The following QSOX1 variants were observed in gnomAD, a reference collection of about 807,000 sequenced individuals.
The protein encoded by QSOX1 is quiescin sulfhydryl oxidase 1.
Under a neutral mutation model 76.1 loss-of-function variants are expected in QSOX1, and 40 were observed. The observed-to-expected ratio is 0.53, with a 90% CI of 0.41 to 0.68. QSOX1 has a LOEUF of 0.68. QSOX1 is among the 30% of genes least tolerant of loss of function. The pLI, the probability that QSOX1 is intolerant of heterozygous loss-of-function variation, is 0.00. For missense variants in QSOX1, 931 were observed against 974.3 expected (o/e 0.96, Z 0.59); for synonymous variants, 392 against 413.1 (o/e 0.95, Z 0.62).
rs142134964 is a variant in QSOX1, at chr1:180,197,336, A to G, written c.*299A>G. The G allele has an allele frequency of 7.4e-6, 12 of 1,613,966 alleles. No individual in the cohort carries two copies. In the African/African-American group the frequency reaches 8.0e-5, roughly 11 times the overall value. On this transcript the variant is annotated 3_prime_UTR_variant, in exon 12 of 12. Coordinates refer to ENST00000367602, the MANE Select transcript of QSOX1 (RefSeq NM_002826.5). ...GCACCACATTCCTGTTTTTCAGCTT[A>G]TTTGAAGTCCTGCCTCATTCTCACT... is the stretch of plus-strand genomic sequence containing the variant.
chr1:180,174,687 T>A (rs1662841445), intron 2 of QSOX1, among the ~76,000 whole-genome samples: 2 of 152,302 alleles, frequency 1.3e-5, no homozygotes, highest in South Asian at 4.1e-4. Context: ...TATTGGTTAG[T>A]AATTACATGC....
At chr1:180,189,127 TC>T (rs2149241257) in intron 8 of QSOX1, among the ~76,000 whole-genome samples, 2 of 152,228 alleles carry the variant, frequency 1.3e-5, no homozygotes, top group East Asian at 3.9e-4. Flanking sequence ...AGTTGGCAAG[TC>T]AGCTCTATCC....
intron 1 of QSOX1, 70 bp from the exon 2 acceptor site, chr1:180,166,420 AT>A: frequency 1.6e-6 from 2 of 1,266,960 alleles, no homozygotes; most frequent in Non-Finnish European, 1.2e-6. Flanking sequence ...GAGGCATTGC[AT>A]TAGGGGAGAT....
rs1663407123 is a variant in QSOX1 at position 180,194,406 on chromosome 1, A to G, written c.1468+14A>G. The G allele has an allele frequency of 1.3e-6, 2 of 1,524,802 alleles. No individual in the cohort carries two copies. The highest frequency in any genetic ancestry group is 1.8e-6 in the Non-Finnish European group (2 of 1,128,692). The allele number at this position is 1,524,802 out of a possible 1,614,324, so 94.5% of individuals were successfully genotyped here. ...CTCGCCTTGCAGGTAAGGAAGGACC[A>G]TCCCCAAGGCTGGAGTCACTTGTGG... On this transcript the variant is annotated intron_variant, in intron 11 of 11. Coordinates refer to ENST00000367602, the MANE Select transcript of QSOX1 (RefSeq NM_002826.5).
intron 2 of QSOX1, among the ~76,000 whole-genome samples, chr1:180,174,633 A>G (rs61811806): frequency 0.14 from 20,596 of 152,262 alleles, 1,529 homozygotes; most frequent in Middle Eastern, 0.21. Context: ...TGAGTCTGCA[A>G]AGGAAAACAG....
intron 10 of QSOX1, among the ~76,000 whole-genome samples, chr1:180,192,784 G>A (rs892633544): frequency 6.6e-6 from 1 of 152,172 alleles, no homozygotes; most frequent in Non-Finnish European, 1.5e-5. Flanking sequence ...GGAATAGAGA[G>A]ATTAGCTTTA....
intron 2 of QSOX1, among the ~76,000 whole-genome samples, chr1:180,167,164 C>T (rs546969119): frequency 7.2e-5 from 11 of 152,352 alleles, no homozygotes; most frequent in Admixed American, 4.6e-4. Flanking sequence ...GTCTGAACAG[C>T]TTCCAAGGCT....
At chr1:180,194,788 C>G (rs1350555005) in intron 11 of QSOX1, among the ~76,000 whole-genome samples, 1 of 152,192 alleles carries the variant, frequency 6.6e-6, no homozygotes. Flanking sequence ...CAGGTCGTTC[C>G]TGGAAATACC....
At position 180,175,953 on chromosome 1, in the gene QSOX1, A is replaced by G. The variant is rs2298206; in HGVS notation, c.435A>G (p.Thr145=). The G allele has an allele frequency of 0.94, 1,508,657 of 1,596,884 alleles. 713,697 individuals are homozygous for G. The highest frequency in any genetic ancestry group is 0.96 in the Admixed American group (54,617 of 56,828). Residue 145 remains threonine, a synonymous_variant, in exon 4 of 12, where the codon ACA becomes ACG. Transcript: ENST00000367602. ...CAGTGGCTGGTGCTGACGTGCAGAC[A>G]CTGCGGGAGAGGCTCATTGACGCCC... ...VFPVAGADVQ[T]LRERLIDALE... is the part of the protein sequence containing the mutation.
chr1:180,182,409 G>A, intron 6 of QSOX1, 90 bp downstream of exon 6: 2 of 1,520,954 alleles, frequency 1.3e-6, no homozygotes, highest in Non-Finnish European at 1.8e-6. Flanking sequence ...CTTTCACAGT[G>A]GCCAACATGT....
intron 10 of QSOX1, among the ~76,000 whole-genome samples, chr1:180,193,852 G>T (rs913244407): frequency 1.3e-5 from 2 of 152,164 alleles, no homozygotes; most frequent in Non-Finnish European, 2.9e-5. Flanking sequence ...AGGGCCAGGG[G>T]CTAGGGCGGT....
chr1:180,200,226 A>G lies in QSOX1; in HGVS notation c.*3189A>G, dbSNP rs765888029. On this transcript the variant is annotated 3_prime_UTR_variant, in exon 12 of 12. Coordinates refer to ENST00000367602, the MANE Select transcript of QSOX1 (RefSeq NM_002826.5). ...CCCCATGTGTCATTGGAGATAAACT[A>G]CCCACCTACCAGATTGTTGTACCAT... is the stretch of plus-strand genomic sequence containing the variant. 6 of 152,158 alleles carry G rather than the reference A, an allele frequency of 3.9e-5. No homozygotes were observed. Among genetic ancestry groups the G allele is most frequent in the Non-Finnish European group, 8.8e-5 (6 of 68,042 alleles). 9.4% of individuals were successfully genotyped at this position (152,158 alleles called of 1,614,324 possible).
At chr1:180,182,638 A>C (rs974714441) in intron 6 of QSOX1, among the ~76,000 whole-genome samples, 1 of 152,054 alleles carries the variant, frequency 6.6e-6, no homozygotes, top group Admixed American at 6.5e-5. Context: ...AGGCAGACTC[A>C]TTGGCAGGCT....
intron 6 of QSOX1, among the ~76,000 whole-genome samples, chr1:180,183,240 C>T (rs1220454731): frequency 6.6e-6 from 1 of 152,068 alleles, no homozygotes; most frequent in Non-Finnish European, 1.5e-5. Context: ...CCAGCTCCCC[C>T]GGGGCAGCCC....
At chr1:180,175,156 CAAA>C (rs397982130) in intron 2 of QSOX1, among the ~76,000 whole-genome samples, 162 bp from the exon 3 acceptor site, 1 of 136,740 alleles carries the variant, frequency 7.3e-6, no homozygotes, top group African/African-American at 2.8e-5. Flanking sequence ...GACTCTGTCT[CAAA>C]AAAAAAAAAA....
At position 180,155,051 on chromosome 1, in the gene QSOX1, C is replaced by G; in HGVS notation, c.144C>G (p.Asp48Glu). The change falls in exon 1 of 12, where the codon GAC (aspartate) becomes GAG (glutamate). Residue 48 changes from aspartate (D) to glutamate (E), a missense_variant. Physicochemically the swap from Asp to Glu is conservative, Grantham distance 45. Coordinates refer to ENST00000367602, the MANE Select transcript of QSOX1 (RefSeq NM_002826.5). ...ACCCGCTGACGCTGCTGCAGGCGGA[C>G]ACGGTGCGCGGCGCGGTGCTGGGCT... ...PSDPLTLLQA[D>E]TVRGAVLGSR... The G allele has an allele frequency of 6.6e-6, 10 of 1,513,530 alleles. No homozygotes were observed. Among genetic ancestry groups the G allele is most frequent in the Non-Finnish European group, 8.8e-6 (10 of 1,137,990 alleles). 93.8% of individuals were successfully genotyped at this position (1,513,530 alleles called of 1,614,324 possible).
chr1:180,180,501 C>A (rs978181482), intron 5 of QSOX1, among the ~76,000 whole-genome samples: 4 of 152,000 alleles, frequency 2.6e-5, no homozygotes, highest in Admixed American at 2.0e-4. Context: ...TGAGCCACTG[C>A]GCCCAACCAG....
At chr1:180,156,134 A>G (rs1479251780) in intron 1 of QSOX1, among the ~76,000 whole-genome samples, 1 of 152,230 alleles carries the variant, frequency 6.6e-6, no homozygotes, top group Non-Finnish European at 1.5e-5. Context: ...ATATTTACGG[A>G]GCACCTATCA....
rs1337319511 is a variant in QSOX1, at chr1:180,189,731, G to C, written c.1140+57G>C. 4 of 1,577,310 alleles carry C rather than the reference G, an allele frequency of 2.5e-6. No individual in the cohort carries two copies. The African/African-American group carries it at 5.4e-5, about 21-fold the overall frequency. ...ATCCTCCGTATTTATGAGAGTGCAA[G>C]GGGTTAACCCTGTCATTTCTGACCT... On this transcript the variant is annotated intron_variant, in intron 9 of 11. Transcript: ENST00000367602.
Sources: allele counts gnomAD v4.1 joint callset (sites outside exome capture counted in the v4.1 genomes callset), GRCh38; gene constraint gnomAD v4.1.1; transcripts MANE v1.5; gene names NCBI Gene and HGNC (gene_info 2026-07-23, HGNC 2026-07-21).